TNFAIP6: variants seen among roughly 807,000 people sequenced by gnomAD.
TNFAIP6 encodes the protein tumor necrosis factor-inducible gene 6 protein.
In TNFAIP6, 36 loss-of-function variants were observed where a neutral mutation model predicts 33.7. The ratio of observed to expected loss-of-function variants is 1.07; its 90% CI spans 0.82 to 1.41. TNFAIP6 has a LOEUF of 1.41. TNFAIP6 is among the 40% of genes most tolerant of loss of function. The pLI is 0.00. For synonymous variants in TNFAIP6, 113 were observed against 112.8 expected, an observed-to-expected ratio of 1.00 and a Z score of -0.01; for missense variants, 273 against 331.9, an observed-to-expected ratio of 0.82 and a Z score of 1.38.
chr2:151,361,089 T>G (rs1684617074), intron 1 of TNFAIP6, among the ~76,000 whole-genome samples: 1 of 152,216 alleles, frequency 6.6e-6, no homozygotes, highest in Non-Finnish European at 1.5e-5. Context: ...GTTTTTTTGT[T>G]TTTTGAGATG....
At chr2:151,361,383 C>T (rs955366780) in intron 1 of TNFAIP6, among the ~76,000 whole-genome samples, 2 of 151,992 alleles carry the variant, frequency 1.3e-5, no homozygotes, top group Non-Finnish European at 2.9e-5. Context: ...GCCAAATCTC[C>T]GTTCATTTTT....
At chr2:151,373,047 G>A (rs894084211) in intron 4 of TNFAIP6, among the ~76,000 whole-genome samples, 6 of 152,110 alleles carry the variant, frequency 3.9e-5, no homozygotes, top group Non-Finnish European at 5.9e-5. Flanking sequence ...GCTGGGTGCG[G>A]TGGCTCACAC....
chr2:151,372,857 T>G (rs112097062), intron 4 of TNFAIP6, among the ~76,000 whole-genome samples: 7,496 of 152,010 alleles, frequency 0.049, 256 homozygotes, highest in Middle Eastern at 0.11. Context: ...GAGGCAGAGG[T>G]TGCAGTGAGC....
At chr2:151,359,630 C>T (rs1017971443) in intron 1 of TNFAIP6, among the ~76,000 whole-genome samples, 12 of 152,228 alleles carry the variant, frequency 7.9e-5, no homozygotes, top group African/African-American at 1.4e-4. Context: ...CCTCGTGATC[C>T]GCCCACCTTG....
intron 1 of TNFAIP6, among the ~76,000 whole-genome samples, chr2:151,359,626 G>A (rs1377768125): frequency 6.6e-6 from 1 of 152,134 alleles, no homozygotes; most frequent in African/African-American, 2.4e-5. Context: ...CTGACCTCGT[G>A]ATCCGCCCAC....
At chr2:151,366,274 G>A (rs1381554625) in intron 3 of TNFAIP6, 57 bp downstream of exon 3, 2 of 1,516,192 alleles carry the variant, frequency 1.3e-6, no homozygotes, top group African/African-American at 2.8e-5. Flanking sequence ...CTGCTAAGAG[G>A]TTGTTAAAAA....
At chr2:151,381,308 G>GA (rs1445027900), downstream of TNFAIP6, among the ~76,000 whole-genome samples, 1 of 151,806 alleles carries the variant, frequency 6.6e-6, no homozygotes, top group African/African-American at 2.4e-5. Flanking sequence ...TCATCTCTAT[G>GA]AAAAAAATTT....
At position 151,357,749 on chromosome 2, in the gene TNFAIP6, C is replaced by T; in HGVS notation, c.83C>T (p.Ser28Phe). 6.2e-7 allele frequency: 1 copy of T among 1,604,322 alleles called. No homozygotes were observed. Among genetic ancestry groups the T allele is most frequent in the Non-Finnish European group, 8.5e-7 (1 of 1,171,372 alleles). The change falls in exon 1 of 6, where the codon TCC becomes TTC. Residue 28 changes from serine to phenylalanine, a missense_variant. Transcript: ENST00000243347. ...WGFKDGIFHN[S>F]IWLERAAGVY... ...TTCAAGGATGGAATTTTTCATAACT[C>T]CATATGGCTTGGTAAGAACCTTCAC...
chr2:151,357,691 C>A lies in TNFAIP6; in HGVS notation c.25C>A (p.Leu9Ile), dbSNP rs1227801594. 8 of 1,611,866 alleles carry A rather than the reference C, an allele frequency of 5.0e-6. No homozygotes were observed. In the East Asian group the frequency reaches 1.6e-4, roughly 31 times the overall value. The change falls in exon 1 of 6, where the codon CTC becomes ATC. Residue 9 changes from leucine to isoleucine, a missense_variant. Physicochemically the swap from Leu to Ile is conservative, Grantham distance 5. Coordinates refer to ENST00000243347, the MANE Select transcript of TNFAIP6 (RefSeq NM_007115.4). MIILIYLFLLLWEDTQGWG... is the reference protein window; with the variant it reads MIILIYLFILLWEDTQGWG... ...TATGATCATCTTAATTTACTTATTTCTCTTGCTATGGGAAGACACTCAAGG... is the reference window on the plus strand; with the variant it reads ...TATGATCATCTTAATTTACTTATTTATCTTGCTATGGGAAGACACTCAAGG...
intron 1 of TNFAIP6, among the ~76,000 whole-genome samples, chr2:151,359,386 ATTTTT>A (rs35150597): frequency 1.5e-5 from 2 of 130,170 alleles, no homozygotes; most frequent in Non-Finnish European, 3.2e-5. Context: ...GCAACTCATA[ATTTTT>A]TTTTTTTTTT....
chr2:151,373,744 CAA>C (rs35356355), intron 5 of TNFAIP6, 155 bp downstream of exon 5: 1,430 of 241,368 alleles, frequency 5.9e-3, no homozygotes, highest in Middle Eastern at 9.1e-3. Flanking sequence ...TTGTAAAATG[CAA>C]AAAAAAAAAA....
At position 151,359,144 on chromosome 2, in the gene TNFAIP6, A is replaced by G. The variant is rs150826009; in HGVS notation, c.94+1384A>G. The stretch of plus-strand genomic sequence containing the variant: ...AATGTATGCTACAAATCTGAGGGTC[A>G]GGATAATTGCAAATTGCTTCAATCT... On this transcript the variant is annotated intron_variant, in intron 1 of 5. Coordinates refer to ENST00000243347, the MANE Select transcript of TNFAIP6 (RefSeq NM_007115.4). Among the ~76,000 whole-genome samples, 282 of 152,316 alleles carry G rather than the reference A, an allele frequency of 1.9e-3. 4 individuals carry two copies. The highest frequency in any genetic ancestry group is 6.5e-3 in the African/African-American group (270 of 41,566).
intron 5 of TNFAIP6, among the ~76,000 whole-genome samples, chr2:151,374,825 G>T (rs1458105210): frequency 6.6e-6 from 1 of 152,088 alleles, no homozygotes; most frequent in African/African-American, 2.4e-5. Flanking sequence ...ATTAAACAAA[G>T]AAGTTAAAAA....
intron 5 of TNFAIP6, among the ~76,000 whole-genome samples, chr2:151,375,514 C>G (rs980042631): frequency 1.4e-4 from 21 of 152,176 alleles, no homozygotes; most frequent in Non-Finnish European, 2.4e-4. Context: ...CGAGACCATC[C>G]TGGCTAACAC....
chr2:151,379,215 G>A (rs1308980005), intron 5 of TNFAIP6, 149 bp from the exon 6 acceptor site: 1 of 691,294 alleles, frequency 1.4e-6, no homozygotes, highest in Non-Finnish European at 2.3e-6. Context: ...TGAAACCACA[G>A]ACTCTTCAGC....
At chr2:151,375,571 A>G (rs919087575) in intron 5 of TNFAIP6, among the ~76,000 whole-genome samples, 2 of 151,716 alleles carry the variant, frequency 1.3e-5, no homozygotes, top group African/African-American at 2.4e-5. Flanking sequence ...GGCCAGGTGC[A>G]GTGGCACACG....
intron 1 of TNFAIP6, among the ~76,000 whole-genome samples, chr2:151,363,075 G>T (rs1304913569): frequency 3.9e-5 from 6 of 152,170 alleles, no homozygotes; most frequent in Non-Finnish European, 8.8e-5. Flanking sequence ...TAACACTTTG[G>T]GAGGCCGAGG....
intron 5 of TNFAIP6, among the ~76,000 whole-genome samples, chr2:151,376,066 G>A (rs1435469878): frequency 6.6e-6 from 1 of 152,124 alleles, no homozygotes; most frequent in East Asian, 1.9e-4. Flanking sequence ...CCAATATGGT[G>A]AAACCCCATC....
intron 5 of TNFAIP6, among the ~76,000 whole-genome samples, chr2:151,378,581 C>T (rs1475267791): frequency 6.6e-6 from 1 of 151,672 alleles, no homozygotes; most frequent in Non-Finnish European, 1.5e-5. Context: ...CTCCGCCTCC[C>T]GGGTTCAAGG....
Sources: gnomAD v4.1 joint callset for allele counts (sites outside exome capture counted in the v4.1 genomes callset) on GRCh38, gnomAD v4.1.1 for gene constraint, MANE v1.5 for transcripts, NCBI Gene and HGNC (gene_info 2026-07-23, HGNC 2026-07-21) for gene names.